Variants in OSBPL3 observed in about 807,000 individuals in gnomAD.
OSBPL3 encodes oxysterol-binding protein-related protein 3.
A neutral mutation model predicts 120.1 loss-of-function variants in OSBPL3; 65 were observed. The observed-to-expected ratio is 0.54, with a 90% CI of 0.44 to 0.67. The LOEUF is 0.67. Among genes scored for constraint, OSBPL3 ranks in the 30% least tolerant of loss-of-function variants. OSBPL3 has a pLI of 0.00. For missense variants in OSBPL3, 1,004 were observed against 1,082.1 expected (o/e 0.93, Z 1.01); for synonymous variants, 416 against 402.6 (o/e 1.03, Z -0.40).
In OSBPL3 at chr7:24,933,906, G is replaced by T. The variant is rs1214063598; in HGVS notation, c.-149-41285C>A. ...AATAGAGTAAAACAACAAATACTAA[G>T]ATTTGTTGGCATTAAATCAGTTTAG... On this transcript the variant is annotated intron_variant, in intron 1 of 22. Coordinates refer to ENST00000313367, the MANE Select transcript of OSBPL3 (RefSeq NM_015550.4). This position sits in a 1 kb window ranked among gnomAD's most constrained non-coding sequence, Gnocchi z 5.1. 6.6e-6 allele frequency among the ~76,000 whole-genome samples: 1 copy of T among 152,174 alleles called. No individual in the cohort carries two copies. The highest frequency in any genetic ancestry group is 2.1e-4 in the South Asian group (1 of 4,826).
At chr7:24,860,569 C>G (rs1258077689) in intron 10 of OSBPL3, among the ~76,000 whole-genome samples, 2 of 152,162 alleles carry the variant, frequency 1.3e-5, no homozygotes, top group Non-Finnish European at 2.9e-5. Flanking sequence ...GTGAGGCCTC[C>G]CCAGCCACAT....
Position 24,799,999 on chromosome 7 carries a change from A to G in OSBPL3, c.*184T>C. ...GTGTTCTACATTCATATAAACAATCAGGGTAACATTTGAAATTGTAAAGAA... is the reference window on the plus strand; with the variant it reads ...GTGTTCTACATTCATATAAACAATCGGGGTAACATTTGAAATTGTAAAGAA... On this transcript the variant is annotated 3_prime_UTR_variant, in exon 23 of 23. Transcript: ENST00000313367. This position sits in a 1 kb window ranked among gnomAD's most constrained non-coding sequence, Gnocchi z 5.3. 2.7e-6 allele frequency: 1 copy of G among 365,316 alleles called. No individual in the cohort carries two copies. Among genetic ancestry groups the G allele is most frequent in the Non-Finnish European group, 5.0e-6 (1 of 201,404 alleles). The allele number at this position is 365,316 out of a possible 1,614,324, so 22.6% of individuals were successfully genotyped here. A position where few individuals can be genotyped will look rare whatever the true frequency, so the allele number is the denominator to read the frequency against.
intron 1 of OSBPL3, among the ~76,000 whole-genome samples, chr7:24,910,520 GA>G (rs1808666954): frequency 6.6e-6 from 1 of 152,224 alleles, no homozygotes. Flanking sequence ...GCACACTGAT[GA>G]AAACTCAATT....
Position 24,810,561 on chromosome 7 carries a change from ACT to A in OSBPL3, c.2173-612_2173-611del, listed in dbSNP as rs767590564. Among the ~76,000 whole-genome samples the A allele has an allele frequency of 5.9e-5, 9 of 151,760 alleles. No individual in the cohort carries two copies. The East Asian group carries it at 1.5e-3, about 26-fold the overall frequency. On this transcript the variant is annotated intron_variant, in intron 19 of 22. Coordinates refer to ENST00000313367, the MANE Select transcript of OSBPL3 (RefSeq NM_015550.4). Reference sequence around the variant, plus strand: ...AAACAAAACAAAAACAAAAACAAAAACTCTCTCAGCAATTTTCAAGTATACAA... The same window carrying A: ...AAACAAAACAAAAACAAAAACAAAAACTCTCAGCAATTTTCAAGTATACAA...
At position 24,807,510 on chromosome 7, in the gene OSBPL3, A is replaced by ATAT. The variant is rs58536625; in HGVS notation, c.2318-609_2318-608insATA. On this transcript the variant is annotated intron_variant, in intron 20 of 22. Transcript: ENST00000313367. ...CTCCATCTCAAAAATAATAATAATA[A>ATAT]TAATAATAACAACAATAAATAAACA... Among the ~76,000 whole-genome samples, 1,395 of 149,558 alleles carry ATAT rather than the reference A, an allele frequency of 9.3e-3. 26 individuals carry two copies. Among genetic ancestry groups the ATAT allele is most frequent in the African/African-American group, 0.032 (1,306 of 41,334 alleles).
At position 24,805,075 on chromosome 7, in the gene OSBPL3, G is replaced by A. The variant is rs1792866281; in HGVS notation, c.2445-638C>T. Among the ~76,000 whole-genome samples the A allele has an allele frequency of 3.3e-5, 5 of 152,166 alleles. No homozygotes were observed. The South Asian group carries it at 8.3e-4, about 25-fold the overall frequency. ...CTTGTATATCCATCATTTTACATGA[G>A]TAAGTAGGAAAAATCTGTAGGAGAA... On this transcript the variant is annotated intron_variant, in intron 21 of 22. Transcript: ENST00000313367. This position sits in a 1 kb window ranked among gnomAD's most constrained non-coding sequence, Gnocchi z 4.0.
rs1045698885 is a variant in OSBPL3 at position 24,855,383 on chromosome 7, A to G, written c.1028-2749T>C. Reference sequence around the variant, plus strand: ...TTCCACCAAATGAGAAGAGTCCTACATAAATTTTAAAAACTGGCAGAATAT... The same window carrying G: ...TTCCACCAAATGAGAAGAGTCCTACGTAAATTTTAAAAACTGGCAGAATAT... On this transcript the variant is annotated intron_variant, in intron 10 of 22. Transcript: ENST00000313367. The surrounding 1 kb of genome is among the most constrained non-coding windows in gnomAD (Gnocchi z 4.3). 6.6e-6 allele frequency among the ~76,000 whole-genome samples: 1 copy of G among 152,260 alleles called. No individual in the cohort carries two copies. The highest frequency in any genetic ancestry group is 1.5e-5 in the Non-Finnish European group (1 of 68,046).
In OSBPL3 at chr7:24,830,622, C is replaced by T. The variant is rs375320339; in HGVS notation, c.1884+146G>A. Reference sequence around the variant, plus strand: ...GGCTTGGCTTCAGTGGAAGGGAAATCGATCCCTCCCTTTATGTTGAAAAGC... The same window carrying T: ...GGCTTGGCTTCAGTGGAAGGGAAATTGATCCCTCCCTTTATGTTGAAAAGC... On this transcript the variant is annotated intron_variant, in intron 16 of 22. Transcript: ENST00000313367. This position sits in a 1 kb window ranked among gnomAD's most constrained non-coding sequence, Gnocchi z 4.4. 1.6e-4 allele frequency: 132 copies of T among 808,578 alleles called. No homozygotes were observed. Among genetic ancestry groups the T allele is most frequent in the African/African-American group, 1.6e-3 (92 of 56,866 alleles). 50.1% of individuals were successfully genotyped at this position (808,578 alleles called of 1,614,324 possible).
rs960709094 is a variant in OSBPL3 at position 24,883,164 on chromosome 7, T to C, written c.96+9213A>G. Among the ~76,000 whole-genome samples the C allele has an allele frequency of 3.3e-5, 5 of 152,176 alleles. No homozygotes were observed. Among genetic ancestry groups the C allele is most frequent in the African/African-American group, 1.2e-4 (5 of 41,426 alleles). ...GGCCAAGATGTGCCAGGAATGTGAT[T>C]CATCTGAAGTAGGAACAGAGAGGAG... On this transcript the variant is annotated intron_variant, in intron 2 of 22. Transcript: ENST00000313367. The surrounding 1 kb of genome is among the most constrained non-coding windows in gnomAD (Gnocchi z 5.4).
rs970541967 is a variant in OSBPL3 at position 24,914,762 on chromosome 7, G to T, written c.-149-22141C>A. On this transcript the variant is annotated intron_variant, in intron 1 of 22. Coordinates refer to ENST00000313367, the MANE Select transcript of OSBPL3 (RefSeq NM_015550.4). ...AAACAAAAGATGAAACAGGCTATTG[G>T]TTTTCTACATGAGATCAGCAGGGTT... 2.0e-5 allele frequency among the ~76,000 whole-genome samples: 3 copies of T among 152,246 alleles called. No individual in the cohort carries two copies. The East Asian group carries it at 5.8e-4, about 29-fold the overall frequency.
chr7:24,902,491 A>C (rs1402629011), intron 1 of OSBPL3, among the ~76,000 whole-genome samples: 1 of 152,122 alleles, frequency 6.6e-6, no homozygotes, highest in East Asian at 1.9e-4. Flanking sequence ...TTCCTACTAA[A>C]GATGCTGATG....
intron 1 of OSBPL3, among the ~76,000 whole-genome samples, chr7:24,961,067 A>T (rs573498401): frequency 4.7e-4 from 71 of 152,198 alleles, no homozygotes; most frequent in African/African-American, 1.3e-3. Context: ...TGATTTTTTT[A>T]AAAAAAATTC....
chr7:24,828,826 G>A (rs925527208), intron 16 of OSBPL3, among the ~76,000 whole-genome samples: 1 of 151,856 alleles, frequency 6.6e-6, no homozygotes, highest in Non-Finnish European at 1.5e-5. Context: ...GTCACACATG[G>A]AGCAAATTGT....
intron 1 of OSBPL3, among the ~76,000 whole-genome samples, chr7:24,927,825 T>C (rs1304019012): frequency 6.6e-6 from 1 of 152,206 alleles, no homozygotes; most frequent in African/African-American, 2.4e-5. Context: ...ACCCTATCTC[T>C]TTTTGTAAAG....
chr7:24,960,259 C>T (rs1815567689), intron 1 of OSBPL3, among the ~76,000 whole-genome samples: 1 of 152,120 alleles, frequency 6.6e-6, no homozygotes, highest in Non-Finnish European at 1.5e-5. Flanking sequence ...GATCCTTCCA[C>T]CTCATTAGTC....
rs1019880983 is a variant in OSBPL3 at position 24,820,934 on chromosome 7, A to G, written c.1885-696T>C. Among the ~76,000 whole-genome samples the G allele has an allele frequency of 9.9e-5, 15 of 152,238 alleles. No homozygotes were observed. The highest frequency in any genetic ancestry group is 3.6e-4 in the African/African-American group (15 of 41,458). Reference sequence around the variant, plus strand: ...GCAAATAAGTAATCTCATTCCAGAAAAGAGAATCCCCTGGAGCAGAGAGTG... The same window carrying G: ...GCAAATAAGTAATCTCATTCCAGAAGAGAGAATCCCCTGGAGCAGAGAGTG... On this transcript the variant is annotated intron_variant, in intron 16 of 22. Coordinates refer to ENST00000313367, the MANE Select transcript of OSBPL3 (RefSeq NM_015550.4). This position sits in a 1 kb window ranked among gnomAD's most constrained non-coding sequence, Gnocchi z 4.6.
intron 1 of OSBPL3, among the ~76,000 whole-genome samples, chr7:24,905,127 A>C (rs1390584744): frequency 6.6e-6 from 1 of 152,098 alleles, no homozygotes; most frequent in Admixed American, 6.6e-5. Flanking sequence ...AGCCAGAGCC[A>C]GATGCACAAA....
intron 2 of OSBPL3, among the ~76,000 whole-genome samples, chr7:24,876,789 T>G (rs549585671): frequency 4.6e-5 from 7 of 152,172 alleles, no homozygotes; most frequent in Non-Finnish European, 1.0e-4. Flanking sequence ...TATAAAATAA[T>G]TGGAGAACAC....
intron 2 of OSBPL3, among the ~76,000 whole-genome samples, chr7:24,884,316 T>C (rs916968625): frequency 2.0e-5 from 3 of 152,198 alleles, no homozygotes; most frequent in Non-Finnish European, 4.4e-5. Flanking sequence ...CTACCATTTA[T>C]TAGCCATGGG....
Sources: gnomAD v4.1 joint callset for allele counts (sites outside exome capture counted in the v4.1 genomes callset) on GRCh38, gnomAD v4.1.1 for gene constraint, Gnocchi (gnomAD v3.1) non-coding constraint, MANE v1.5 for transcripts, NCBI Gene and HGNC (gene_info 2026-07-23, HGNC 2026-07-21) for gene names.